Variants in GBF1 observed in about 807,000 individuals in gnomAD.
GBF1 encodes the protein golgi brefeldin A resistant guanine nucleotide exchange factor 1, also known as Golgi-specific brefeldin A-resistance guanine nucleotide exchange factor 1.
Under a neutral mutation model 210.5 loss-of-function variants are expected in GBF1, and 114 were observed. The observed-to-expected ratio is 0.54, with a 90% confidence interval of 0.47 to 0.63. The LOEUF (loss-of-function observed/expected upper bound fraction) is 0.63. GBF1 is among the 30% of genes least tolerant of loss of function. The pLI is 0.00. For missense variants in GBF1, 1,851 were observed against 2,357.7 expected (o/e 0.79, Z 4.45); for synonymous variants, 850 against 889.2 (o/e 0.96, Z 0.78).
intron 31 of GBF1, 48 bp downstream of exon 31, chr10:102,376,480 G>C: frequency 1.9e-6 from 3 of 1,611,936 alleles, no homozygotes; most frequent in Non-Finnish European, 2.5e-6. Context: ...CTTGACCTGT[G>C]GGAAGAATTC....
At position 102,360,220 on chromosome 10, in the gene GBF1, G is replaced by A. The variant is rs1425226026; in HGVS notation, c.1217G>A (p.Arg406His). The A allele has an allele frequency of 8.1e-6, 13 of 1,613,866 alleles. No homozygotes were observed. Among genetic ancestry groups the A allele is most frequent in the Non-Finnish European group, 1.0e-5 (12 of 1,179,820 alleles). The change falls in exon 12 of 40, where the codon CGC becomes CAC. Residue 406 changes from arginine to histidine, a missense_variant. This residue lies in a region of GBF1 where 804 missense variants were observed against 958.6 expected (regional missense o/e 0.84). Coordinates refer to ENST00000369983, the MANE Select transcript of GBF1 (RefSeq NM_001377137.1). ...ALVPYGLPCIRELFRFLISLT... is the reference protein window; with the variant it reads ...ALVPYGLPCIHELFRFLISLT... The stretch of plus-strand genomic sequence containing the variant: ...GTCCCCTATGGTCTTCCCTGCATCC[G>A]CGAGCTCTTCCGCTTCCTCATCTCC...
the GBF1 span, among the ~76,000 whole-genome samples, chr10:102,239,264 A>T: frequency 3.0e-4 from 46 of 152,346 alleles, no homozygotes; most frequent in South Asian, 1.7e-3. Context: ...AGGGTGGGAA[A>T]AGGTTCTGTC....
intron 3 of GBF1, among the ~76,000 whole-genome samples, chr10:102,285,912 T>G (rs1049437095): frequency 2.0e-5 from 3 of 152,140 alleles, no homozygotes; most frequent in Non-Finnish European, 4.4e-5. Flanking sequence ...GTTTGCTGTA[T>G]CTCCTTGAAA....
In GBF1 at chr10:102,247,266, C is replaced by T. The variant is rs1325163810; in HGVS notation, c.-11+1485C>T. Among the ~76,000 whole-genome samples, 12 of 151,994 alleles carry T rather than the reference C, an allele frequency of 7.9e-5. No homozygotes were observed. The East Asian group carries it at 1.9e-3, about 24-fold the overall frequency. ...TCCCTTTTCCCTTCCTACCTTCGTCCTTATGAAATTGAAATTTTTGTGTGT... is the reference window on the plus strand; with the variant it reads ...TCCCTTTTCCCTTCCTACCTTCGTCTTTATGAAATTGAAATTTTTGTGTGT... On this transcript the variant is annotated intron_variant, in intron 1 of 39. Coordinates refer to ENST00000369983, the MANE Select transcript of GBF1 (RefSeq NM_001377137.1).
chr10:102,260,082 C>A lies in GBF1; in HGVS notation c.129C>A (p.Phe43Leu). 1 of 1,590,032 alleles carries A rather than the reference C, an allele frequency of 6.3e-7. No individual in the cohort carries two copies. Among genetic ancestry groups the A allele is most frequent in the Non-Finnish European group, 8.6e-7 (1 of 1,158,640 alleles). Reference sequence around the variant, plus strand: ...AACGGGATCCTCTGCTGCATAGTTTCGGTCATCTAAAGGAGGTTTTAAACA... The same window carrying A: ...AACGGGATCCTCTGCTGCATAGTTTAGGTCATCTAAAGGAGGTTTTAAACA... Reference protein sequence around the residue: ...DEERDPLLHSFGHLKEVLNSI... With the variant: ...DEERDPLLHSLGHLKEVLNSI... The change falls in exon 3 of 40, where the codon TTC becomes TTA. Residue 43 changes from phenylalanine to leucine, a missense_variant. Coordinates refer to ENST00000369983, the MANE Select transcript of GBF1 (RefSeq NM_001377137.1).
At position 102,375,401 on chromosome 10, in the gene GBF1, G is replaced by A. The variant is rs1285754319; in HGVS notation, c.3703G>A (p.Val1235Met). The change falls in exon 30 of 40, where the codon GTG becomes ATG. Residue 1235 changes from valine (V) to methionine (M), a missense_variant. Val to Met is a conservative substitution (Grantham distance 21). Coordinates refer to ENST00000369983, the MANE Select transcript of GBF1 (RefSeq NM_001377137.1). ...LRILLLMKPS[V>M]LSRVSHQVAY... ...CATTTTGCTACTGATGAAGCCCAGT[G>A]TGCTATCCCGAGTCAGCCACCAGGT... 2 of 1,613,910 alleles carry A rather than the reference G, an allele frequency of 1.2e-6. No homozygotes were observed. Among genetic ancestry groups the A allele is most frequent in the East Asian group, 2.2e-5 (1 of 44,878 alleles).
At chr10:102,328,371 A>G (rs1297904146) in intron 3 of GBF1, among the ~76,000 whole-genome samples, 5 of 152,114 alleles carry the variant, frequency 3.3e-5, no homozygotes, top group Non-Finnish European at 7.4e-5. Context: ...GTGGTGGCAC[A>G]CGCTTTAGTC....
At chr10:102,311,293 G>A (rs571897350) in intron 3 of GBF1, among the ~76,000 whole-genome samples, 2 of 152,270 alleles carry the variant, frequency 1.3e-5, no homozygotes, top group Admixed American at 1.3e-4. Context: ...GCCACCACTG[G>A]CGTGAGCCTT....
At chr10:102,374,966 T>C (rs2135291788) in intron 29 of GBF1, among the ~76,000 whole-genome samples, 1 of 150,118 alleles carries the variant, frequency 6.7e-6, no homozygotes, top group Middle Eastern at 3.5e-3. Flanking sequence ...AGCCTGGGAG[T>C]TCAAGACCAG....
chr10:102,323,358 G>A (rs1379170112), intron 3 of GBF1, among the ~76,000 whole-genome samples: 1 of 151,746 alleles, frequency 6.6e-6, no homozygotes, highest in Non-Finnish European at 1.5e-5. Context: ...AGTCACAGAC[G>A]AGATTCAAGG....
chr10:102,266,106 G>A (rs1418158568), intron 3 of GBF1, among the ~76,000 whole-genome samples: 1 of 152,126 alleles, frequency 6.6e-6, no homozygotes, highest in African/African-American at 2.4e-5. Context: ...GGGCATGGTG[G>A]CAGGCGCCTG....
intron 3 of GBF1, among the ~76,000 whole-genome samples, chr10:102,299,880 A>G (rs1208469033): frequency 6.6e-6 from 1 of 152,218 alleles, no homozygotes; most frequent in East Asian, 1.9e-4. Flanking sequence ...TATATACTAA[A>G]TTATTTTTAT....
rs1465215895 is a variant in GBF1 at position 102,351,966 on chromosome 10, A to G, written c.523+15A>G. 11 of 1,332,622 alleles carry G rather than the reference A, an allele frequency of 8.3e-6. No homozygotes were observed. The highest frequency in any genetic ancestry group is 1.8e-4 in the Middle Eastern group (1 of 5,572). 82.5% of individuals were successfully genotyped at this position (1,332,622 alleles called of 1,614,324 possible). A position where few individuals can be genotyped will look rare whatever the true frequency, so the allele number is the denominator to read the frequency against. On this transcript the variant is annotated intron_variant, in intron 6 of 39. Coordinates refer to ENST00000369983, the MANE Select transcript of GBF1 (RefSeq NM_001377137.1). Reference sequence around the variant, plus strand: ...GAGGCTCAGTGGTAGGTGCTTGGATATTAGCCCCTTCACCATTCCTGGGGC... The same window carrying G: ...GAGGCTCAGTGGTAGGTGCTTGGATGTTAGCCCCTTCACCATTCCTGGGGC...
intron 28 of GBF1, 31 bp from the exon 29 acceptor site, chr10:102,370,676 A>G (rs758434268): frequency 6.2e-7 from 1 of 1,610,284 alleles, no homozygotes; most frequent in African/African-American, 1.3e-5. Context: ...CCTCTGGCTG[A>G]GACTATCTTC....
chr10:102,352,327 C>A, intron 6 of GBF1, 131 bp from the exon 7 acceptor site: 1 of 698,008 alleles, frequency 1.4e-6, no homozygotes, highest in Non-Finnish European at 2.6e-6. Context: ...CCAGGCTGAG[C>A]TGGAGCTGGT....
At chr10:102,300,665 G>A (rs2077262464) in intron 3 of GBF1, among the ~76,000 whole-genome samples, 1 of 152,168 alleles carries the variant, frequency 6.6e-6, no homozygotes, top group Non-Finnish European at 1.5e-5. Flanking sequence ...GAATGTTTGT[G>A]GTTCCTGGTA....
At chr10:102,253,098 C>A (rs1012620703) in intron 1 of GBF1, among the ~76,000 whole-genome samples, 1 of 151,994 alleles carries the variant, frequency 6.6e-6, no homozygotes, top group Non-Finnish European at 1.5e-5. Context: ...TTTCACCATG[C>A]TGGCCAGGCT....
At chr10:102,325,566 A>AG (rs1463889143) in intron 3 of GBF1, among the ~76,000 whole-genome samples, 2 of 150,750 alleles carry the variant, frequency 1.3e-5, no homozygotes, top group East Asian at 1.9e-4. Context: ...AAAAAAAAAA[A>AG]GAAAGAAAAA....
chr10:102,242,506 A>G (rs1247416430), upstream of GBF1, among the ~76,000 whole-genome samples: 2 of 152,180 alleles, frequency 1.3e-5, no homozygotes, highest in East Asian at 3.8e-4. Context: ...TTTGCAAGGG[A>G]CAGGACAGAT....
Sources: allele counts gnomAD v4.1 joint callset (sites outside exome capture counted in the v4.1 genomes callset), GRCh38; gene constraint gnomAD v4.1.1; regional missense constraint gnomAD v4.1.1; transcripts MANE v1.5; gene names NCBI Gene and HGNC (gene_info 2026-07-23, HGNC 2026-07-21).